The following EXOG variants were observed in gnomAD, a reference collection of about 807,000 sequenced individuals.
EXOG encodes nuclease EXOG, mitochondrial.
In EXOG, 27 loss-of-function variants were observed where a neutral mutation model predicts 25.8. The observed-to-expected ratio is 1.05, with a 90% CI of 0.77 to 1.45. EXOG has a LOEUF of 1.45. Among genes scored for constraint, EXOG ranks in the 40% most tolerant of loss-of-function variants. The pLI is 0.00. For synonymous variants in EXOG, 133 were observed against 167.0 expected, an observed-to-expected ratio of 0.80 and a Z score of 1.57; for missense variants, 458 against 450.5, an observed-to-expected ratio of 1.02 and a Z score of -0.15.
In EXOG at chr3:38,506,891, G is replaced by T; in HGVS notation, c.568G>T (p.Glu190Ter). Residue 190 changes from glutamate (E) to a stop codon, truncating the protein, a stop_gained, in exon 5 of 6, where the codon GAA becomes TAA. Transcript: ENST00000287675. LOFTEE classifies it high-confidence loss of function. ...MYCRELTERF[E>*]DVWVVSGPLT... ...CTGTCGAGAGCTGACAGAAAGGTTT[G>T]AAGATGTTTGGGTGGTATCTGGGCC... 1 of 1,604,744 alleles carries T rather than the reference G, an allele frequency of 6.2e-7. No homozygotes were observed. The highest frequency in any genetic ancestry group is 1.1e-5 in the South Asian group (1 of 90,798).
chr3:38,506,732 G>A (rs1575627905), intron 4 of EXOG, 122 bp from the exon 5 acceptor site: 8 of 491,796 alleles, frequency 1.6e-5, no homozygotes, highest in East Asian at 1.4e-4. Flanking sequence ...TTTGTGCCAT[G>A]TTCTTGTTTA....
At chr3:38,504,302 G>T (rs1296567581) in intron 4 of EXOG, among the ~76,000 whole-genome samples, 1 of 151,876 alleles carries the variant, frequency 6.6e-6, no homozygotes, top group Admixed American at 6.6e-5. Context: ...GGAGTTTGAG[G>T]CTATAGTGAG....
At chr3:38,518,435 G>C (rs1320451720) in intron 5 of EXOG, among the ~76,000 whole-genome samples, 8 of 152,198 alleles carry the variant, frequency 5.3e-5, no homozygotes, top group Non-Finnish European at 1.2e-4. Context: ...GCATTGCCCA[G>C]TGCTGGAGAC....
chr3:38,514,952 A>G (rs2060492638), intron 5 of EXOG, among the ~76,000 whole-genome samples: 1 of 151,988 alleles, frequency 6.6e-6, no homozygotes. Flanking sequence ...TTATATTTTT[A>G]GTAGAGACAG....
chr3:38,515,197 G>T (rs1487741370), intron 5 of EXOG, among the ~76,000 whole-genome samples: 1 of 152,156 alleles, frequency 6.6e-6, no homozygotes, highest in Admixed American at 6.5e-5. Context: ...AAACTCTGAA[G>T]ATGCGCTCAG....
intron 5 of EXOG, 42 bp from the exon 6 acceptor site, chr3:38,523,859 T>C: frequency 6.8e-7 from 1 of 1,460,802 alleles, no homozygotes; most frequent in Non-Finnish European, 9.2e-7. Context: ...TGCGAACTGT[T>C]AGCACAAATT....
In EXOG at chr3:38,496,527, G is replaced by T. The variant is rs751524406; in HGVS notation, c.160G>T (p.Asp54Tyr). Residue 54 changes from aspartate (D) to tyrosine (Y), a missense_variant, in exon 1 of 6, where the codon GAT (aspartate) becomes TAT (tyrosine). By Grantham distance (160) the Asp-to-Tyr change is radical (BLOSUM62 -3). Transcript: ENST00000287675. ...AEGALTGKQP[D>Y]GSAEKAVLEQ... ...GGGAGCGTTGACAGGGAAGCAGCCG[G>T]ATGGTAAGTCTGTGGGCCCGTCCTC... is the stretch of plus-strand genomic sequence containing the variant. 1.9e-6 allele frequency: 3 copies of T among 1,610,930 alleles called. No individual in the cohort carries two copies. The South Asian group carries it at 3.3e-5, about 18-fold the overall frequency.
chr3:38,499,304 C>T (rs2059979378), intron 2 of EXOG, among the ~76,000 whole-genome samples: 1 of 152,154 alleles, frequency 6.6e-6, no homozygotes, highest in Non-Finnish European at 1.5e-5. Context: ...TAGTGTGTGC[C>T]ATTCTAGAGT....
intron 1 of EXOG, 86 bp downstream of exon 1, chr3:38,496,616 G>A (rs2059896776): frequency 3.3e-6 from 5 of 1,529,350 alleles, no homozygotes; most frequent in Non-Finnish European, 4.4e-6. Context: ...GTCCTTGACG[G>A]ACAGCCTTCA....
At chr3:38,509,543 A>G (rs1378530562) in intron 5 of EXOG, among the ~76,000 whole-genome samples, 1 of 152,216 alleles carries the variant, frequency 6.6e-6, no homozygotes, top group African/African-American at 2.4e-5. Context: ...TGAGACCCAG[A>G]TATTTGTTTC....
At chr3:38,514,761 T>TC (rs3831840) in intron 5 of EXOG, among the ~76,000 whole-genome samples, 7,758 of 81,874 alleles carry the variant, frequency 0.095, 356 homozygotes, top group East Asian at 0.23. Context: ...TTTTCCACCC[T>TC]CCCCCCCCTC....
rs146249751 is a variant in EXOG at position 38,524,291 on chromosome 3, C to T, written c.1036C>T (p.Arg346Cys). ...EIEPDDYFMS[R>C]YEKKLEELKA... is the part of the protein sequence containing the mutation. ...TGAACCAGATGATTACTTTATGAGT[C>T]GCTATGAGAAGAAGCTAGAAGAACT... Residue 346 changes from arginine (R) to cysteine (C), a missense_variant, in exon 6 of 6, where the codon CGC becomes TGC. Around this residue, in one of 3 missense-constraint regions of EXOG, gnomAD observed 178 missense variants for 203.7 expected, o/e 0.87. Transcript: ENST00000287675. The T allele has an allele frequency of 1.8e-3, 2,845 of 1,613,928 alleles. 8 individuals carry two copies. Among genetic ancestry groups the T allele is most frequent in the Non-Finnish European group, 1.9e-3 (2,253 of 1,179,980 alleles).
intron 5 of EXOG, among the ~76,000 whole-genome samples, chr3:38,514,761 T>TCCC (rs3831840): frequency 2.4e-5 from 2 of 82,028 alleles, no homozygotes; most frequent in African/African-American, 4.9e-5. Context: ...TTTTCCACCC[T>TCCC]CCCCCCCCTC....
chr3:38,503,749 G>A (rs1325434714), intron 4 of EXOG, 58 bp downstream of exon 4: 2 of 1,019,318 alleles, frequency 2.0e-6, no homozygotes, highest in African/African-American at 3.1e-5. Flanking sequence ...AGTGACAGGA[G>A]AATGTACTGA....
At chr3:38,498,183 A>C (rs886824391) in intron 2 of EXOG, among the ~76,000 whole-genome samples, 2 of 152,210 alleles carry the variant, frequency 1.3e-5, no homozygotes, top group African/African-American at 4.8e-5. Context: ...TGACCCATCA[A>C]ACAAATAATT....
intron 5 of EXOG, among the ~76,000 whole-genome samples, chr3:38,522,650 A>G (rs1008051740): frequency 6.6e-6 from 1 of 152,124 alleles, no homozygotes; most frequent in Admixed American, 6.5e-5. Flanking sequence ...GATTACAGGC[A>G]TGCGCCACCA....
chr3:38,501,304 G>A (rs1017145502), intron 2 of EXOG, 51 bp from the exon 3 acceptor site: 1 of 1,554,736 alleles, frequency 6.4e-7, no homozygotes, highest in Non-Finnish European at 8.9e-7. Flanking sequence ...AGAGAATCTT[G>A]AGGGACATTT....
intron 3 of EXOG, among the ~76,000 whole-genome samples, chr3:38,502,375 A>G (rs943019510): frequency 2.6e-5 from 4 of 152,040 alleles, no homozygotes; most frequent in Admixed American, 2.6e-4. Context: ...GACTATAGTC[A>G]TGTTTCATCA....
chr3:38,523,146 A>G, intron 5 of EXOG: 1 of 1,244,880 alleles, frequency 8.0e-7, no homozygotes, highest in Non-Finnish European at 1.1e-6. Context: ...TGAATTTCAT[A>G]AACTAAGGCC....
Sources: gnomAD v4.1 joint callset for allele counts (sites outside exome capture counted in the v4.1 genomes callset) on GRCh38, gnomAD v4.1.1 for gene constraint, gnomAD v4.1.1 regional missense constraint, MANE v1.5 for transcripts, NCBI Gene and HGNC (gene_info 2026-07-23, HGNC 2026-07-21) for gene names.